Variants in COLEC10 observed in about 807,000 individuals in gnomAD.
COLEC10 encodes collectin subfamily member 10.
In COLEC10, 22 loss-of-function variants were observed where a neutral mutation model predicts 28.4. The ratio of observed to expected loss-of-function variants is 0.78; its 90% CI spans 0.55 to 1.11. The LOEUF is 1.11. Ranked by LOEUF, COLEC10 falls within the 50% of genes least tolerant of loss-of-function variation. The pLI is 0.00. For synonymous variants in COLEC10, 125 were observed against 116.1 expected, an observed-to-expected ratio of 1.08 and a Z score of -0.49; for missense variants, 361 against 344.1, an observed-to-expected ratio of 1.05 and a Z score of -0.39.
intron 2 of COLEC10, among the ~76,000 whole-genome samples, chr8:119,036,915 A>G (rs1485311): frequency 0.043 from 6,592 of 152,210 alleles, 205 homozygotes; most frequent in East Asian, 0.16. Context: ...ACCTGGAGAG[A>G]AGCAGTAGCT....
the COLEC10 span, among the ~76,000 whole-genome samples, chr8:118,952,819 T>A: frequency 3.9e-5 from 6 of 152,224 alleles, no homozygotes; most frequent in East Asian, 1.2e-3. Context: ...TAGGGTTCGC[T>A]GTCTCCCCCA....
intron 2 of COLEC10, among the ~76,000 whole-genome samples, chr8:119,046,211 C>T (rs1303417477): frequency 6.6e-6 from 1 of 152,112 alleles, no homozygotes; most frequent in African/African-American, 2.4e-5. Flanking sequence ...TAACTTTTAG[C>T]ACCACTGTCT....
chr8:118,965,548 A>G, the COLEC10 span, among the ~76,000 whole-genome samples: 5 of 152,044 alleles, frequency 3.3e-5, no homozygotes, highest in East Asian at 7.8e-4. Context: ...CCACACACCT[A>G]TGCTGTAAAT....
At chr8:119,097,780 T>G (rs938522782) in intron 3 of COLEC10, among the ~76,000 whole-genome samples, 1 of 152,064 alleles carries the variant, frequency 6.6e-6, no homozygotes, top group Non-Finnish European at 1.5e-5. Flanking sequence ...TAAGATCTCA[T>G]GTATTGCTCG....
At chr8:119,053,899 A>T (rs556521622) in intron 2 of COLEC10, among the ~76,000 whole-genome samples, 10 of 152,176 alleles carry the variant, frequency 6.6e-5, no homozygotes, top group Non-Finnish European at 1.5e-4. Context: ...GTTTTTTTCT[A>T]TACATACATA....
the COLEC10 span, among the ~76,000 whole-genome samples, chr8:118,980,532 T>C: frequency 1.8e-4 from 27 of 152,082 alleles, no homozygotes; most frequent in African/African-American, 6.3e-4. Flanking sequence ...ATTTTTTTTA[T>C]ACCTGTCATC....
the COLEC10 span, among the ~76,000 whole-genome samples, chr8:118,986,992 G>A: frequency 6.6e-6 from 1 of 152,078 alleles, no homozygotes; most frequent in Non-Finnish European, 1.5e-5. Context: ...AGTATGCTAA[G>A]TACCATTGAA....
At chr8:118,996,823 T>C (rs1303822939) in intron 1 of COLEC10, among the ~76,000 whole-genome samples, 1 of 152,144 alleles carries the variant, frequency 6.6e-6, no homozygotes, top group Non-Finnish European at 1.5e-5. Flanking sequence ...TTCATGGTAG[T>C]AGGTAAAGTG....
intron 2 of COLEC10, among the ~76,000 whole-genome samples, chr8:119,023,637 G>T (rs965417297): frequency 1.3e-5 from 2 of 152,066 alleles, no homozygotes; most frequent in African/African-American, 4.8e-5. Context: ...TTTTAGTTAT[G>T]TTGAAAGAGT....
chr8:119,034,982 C>T (rs756705580), intron 2 of COLEC10, among the ~76,000 whole-genome samples: 4 of 152,104 alleles, frequency 2.6e-5, no homozygotes, highest in South Asian at 2.1e-4. Context: ...ATAGCAAAGA[C>T]GAGTATTCTG....
chr8:119,062,642 G>A (rs1397784883), upstream of COLEC10, among the ~76,000 whole-genome samples: 1 of 151,924 alleles, frequency 6.6e-6, no homozygotes, highest in Non-Finnish European at 1.5e-5. Flanking sequence ...ACTATGCCTG[G>A]CTAATTTTTG....
rs78313359 is a variant in COLEC10 at position 118,998,444 on chromosome 8, A to G, written n.122+2871A>G. ...AAACCATCACCTTGACCAAATAAAA[A>G]GCATGATCACTTAGGCATTTTGCTG... On this transcript the variant is annotated intron_variant and non_coding_transcript_variant, in intron 1 of 6. Transcript: ENST00000521788. Among the ~76,000 whole-genome samples the G allele has an allele frequency of 4.3e-4, 66 of 152,296 alleles. No individual in the cohort carries two copies. The East Asian group carries it at 7.5e-3, about 17-fold the overall frequency.
the COLEC10 span, among the ~76,000 whole-genome samples, chr8:118,974,068 T>C: frequency 6.6e-6 from 1 of 151,942 alleles, no homozygotes; most frequent in Admixed American, 6.6e-5. Context: ...TTCATTTAAT[T>C]CAGGCTTTTG....
At chr8:118,985,996 G>C in the COLEC10 span, among the ~76,000 whole-genome samples, 2 of 152,092 alleles carry the variant, frequency 1.3e-5, no homozygotes, top group East Asian at 3.9e-4. Flanking sequence ...TGGAGCCAGA[G>C]TGCAGTAAAC....
chr8:119,054,086 C>T (rs1378238454), intron 2 of COLEC10, among the ~76,000 whole-genome samples: 1 of 152,094 alleles, frequency 6.6e-6, no homozygotes, highest in Non-Finnish European at 1.5e-5. Context: ...CAGTATCTCT[C>T]ATCTCCAAGA....
At chr8:119,083,547 T>C (rs1419810003) in intron 1 of COLEC10, among the ~76,000 whole-genome samples, 1 of 152,170 alleles carries the variant, frequency 6.6e-6, no homozygotes, top group African/African-American at 2.4e-5. Context: ...CTCAGTATGC[T>C]TGCAATATTT....
rs530694590 is a variant in COLEC10, at chr8:119,016,460, T to G, written n.235+6907T>G. On this transcript the variant is annotated intron_variant and non_coding_transcript_variant, in intron 2 of 6. Coordinates refer to the COLEC10 transcript ENST00000521788. ...ATTTGGGTTGGTTCCAAGTCTTCGC[T>G]CTTGTAAATAGGGCTGCAATAAACA... Among the ~76,000 whole-genome samples the G allele has an allele frequency of 2.0e-5, 3 of 152,240 alleles. No homozygotes were observed. In the South Asian group the frequency reaches 6.2e-4, roughly 32 times the overall value.
At chr8:119,075,432 A>G (rs1815207869) in intron 1 of COLEC10, among the ~76,000 whole-genome samples, 1 of 152,220 alleles carries the variant, frequency 6.6e-6, no homozygotes, top group Non-Finnish European at 1.5e-5. Flanking sequence ...ATACACAGTA[A>G]AAATCTGACA....
At chr8:119,001,558 CT>C (rs1813700312) in intron 1 of COLEC10, among the ~76,000 whole-genome samples, 1 of 152,030 alleles carries the variant, frequency 6.6e-6, no homozygotes, top group Non-Finnish European at 1.5e-5. Context: ...CTATAATAGG[CT>C]TATAAAAGTG....
Sources: allele counts gnomAD v4.1 joint callset (sites outside exome capture counted in the v4.1 genomes callset), GRCh38; gene constraint gnomAD v4.1.1; transcripts MANE v1.5; gene names NCBI Gene and HGNC (gene_info 2026-07-23, HGNC 2026-07-21).